The following ATP13A4 variants were observed in gnomAD, a reference collection of about 807,000 sequenced individuals.
The protein encoded by ATP13A4 is ATPase 13A4, also known as probable cation-transporting ATPase 13A4.
Under a neutral mutation model 142.5 loss-of-function variants are expected in ATP13A4, and 114 were observed. The ratio of observed to expected loss-of-function variants is 0.80; its 90% CI spans 0.69 to 0.93. The LOEUF is 0.93. ATP13A4 is among the 40% of genes least tolerant of loss of function. The pLI, the probability that ATP13A4 is intolerant of heterozygous loss-of-function variation, is 0.00. For synonymous variants in ATP13A4, 488 were observed against 514.8 expected (o/e 0.95, Z 0.70); for missense variants, 1,392 against 1,454.0 (o/e 0.96, Z 0.69).
At chr3:193,500,510 G>A (rs921128622) in intron 3 of ATP13A4, among the ~76,000 whole-genome samples, 4 of 152,036 alleles carry the variant, frequency 2.6e-5, no homozygotes, top group Non-Finnish European at 4.4e-5. Context: ...TGATGGTTTC[G>A]GATCATCAGG....
intron 1 of ATP13A4, among the ~76,000 whole-genome samples, chr3:193,530,771 T>A (rs1722269286): frequency 6.6e-6 from 1 of 152,172 alleles, no homozygotes; most frequent in African/African-American, 2.4e-5. Context: ...TCATTGCTAA[T>A]GTCCAGGAAC....
chr3:193,417,699 A>ACAAAAAATAAT (rs1576939674), intron 25 of ATP13A4, among the ~76,000 whole-genome samples: 6 of 137,946 alleles, frequency 4.3e-5, no homozygotes, highest in East Asian at 2.8e-4. Flanking sequence ...GACAAAAAAG[A>ACAAAAAATAAT]AATTGGCCAG....
intron 1 of ATP13A4, among the ~76,000 whole-genome samples, chr3:193,516,930 T>C (rs941311832): frequency 2.0e-5 from 3 of 152,220 alleles, no homozygotes; most frequent in South Asian, 2.1e-4. Flanking sequence ...TTAATAGTAA[T>C]AATAGTGATT....
At chr3:193,546,501 A>T (rs556014166) in intron 1 of ATP13A4, among the ~76,000 whole-genome samples, 1 of 152,350 alleles carries the variant, frequency 6.6e-6, no homozygotes, top group African/African-American at 2.4e-5. Flanking sequence ...AGCCAGCAGC[A>T]GGACCTAGAC....
Position 193,510,191 on chromosome 3 carries a change from C to T in ATP13A4, c.234+4507G>A, listed in dbSNP as rs77283920. The stretch of plus-strand genomic sequence containing the variant: ...AGTGAACACAGATGCTGCCGCCTGA[C>T]GAGAATACTGGTACACTGGCAGACT... On this transcript the variant is annotated intron_variant, in intron 2 of 29. Transcript: ENST00000342695. Among the ~76,000 whole-genome samples the T allele has an allele frequency of 2.8e-3, 424 of 152,212 alleles. 1 individual carries two copies. The highest frequency in any genetic ancestry group is 9.1e-3 in the African/African-American group (379 of 41,522).
rs369458872 is a variant in ATP13A4 at position 193,467,458 on chromosome 3, C to T, written c.972G>A (p.Pro324=). 1.8e-4 allele frequency: 288 copies of T among 1,613,588 alleles called. No individual in the cohort carries two copies. The highest frequency in any genetic ancestry group is 6.8e-4 in the Middle Eastern group (4 of 5,840). The part of the protein sequence containing the change: ...TGESIPVTKT[P]LPKMDSSVPW... ...GCACAGAGCTATCCATCTTGGGTAACGGAGTTTTGGTGACTGGAATACTTT... is the reference window on the plus strand; with the variant it reads ...GCACAGAGCTATCCATCTTGGGTAATGGAGTTTTGGTGACTGGAATACTTT... The change falls in exon 10 of 30, where the codon CCG becomes CCA. Residue 324 remains proline (P), a synonymous_variant. Coordinates refer to ENST00000342695, the MANE Select transcript of ATP13A4 (RefSeq NM_032279.4).
intron 17 of ATP13A4, among the ~76,000 whole-genome samples, chr3:193,451,444 A>C (rs1481964355): frequency 6.6e-6 from 1 of 152,216 alleles, no homozygotes; most frequent in Admixed American, 6.5e-5. Context: ...TTGCTGTGTG[A>C]GCATGACTAA....
chr3:193,449,761 A>C (rs1008711978), intron 17 of ATP13A4, among the ~76,000 whole-genome samples: 20 of 152,140 alleles, frequency 1.3e-4, no homozygotes, highest in Admixed American at 1.2e-3. Flanking sequence ...ATGATCTGCT[A>C]TTGAAACCCT....
intron 8 of ATP13A4, among the ~76,000 whole-genome samples, chr3:193,474,761 AAGAG>A (rs146293166): frequency 6.6e-6 from 1 of 151,714 alleles, no homozygotes; most frequent in Non-Finnish European, 1.5e-5. Flanking sequence ...AAAAGAAAGA[AAGAG>A]AAAGAAAGAA....
At position 193,455,808 on chromosome 3, in the gene ATP13A4, T is replaced by C. The variant is rs141640361; in HGVS notation, c.1915+1192A>G. Among the ~76,000 whole-genome samples the C allele has an allele frequency of 4.8e-3, 734 of 152,266 alleles. 11 individuals are homozygous for C. The highest frequency in any genetic ancestry group is 0.017 in the African/African-American group (704 of 41,554). On this transcript the variant is annotated intron_variant, in intron 16 of 29. Transcript: ENST00000342695. ...ACCTAAATGCCCATCAATGGTAGACTGGATAAAGAAAATGTGGTACATATA... is the reference window on the plus strand; with the variant it reads ...ACCTAAATGCCCATCAATGGTAGACCGGATAAAGAAAATGTGGTACATATA...
chr3:193,582,747 AC>A (rs1724588642), intron 1 of ATP13A4, among the ~76,000 whole-genome samples: 1 of 60,378 alleles, frequency 1.7e-5, no homozygotes, highest in African/African-American at 9.0e-5. Flanking sequence ...TATGTATAAT[AC>A]ATATATAAAA....
intron 15 of ATP13A4, 79 bp from the exon 16 acceptor site, chr3:193,457,232 T>C (rs1717674136): frequency 1.9e-5 from 30 of 1,590,362 alleles, no homozygotes; most frequent in Non-Finnish European, 2.6e-5. Flanking sequence ...CCTTCCGTAA[T>C]ATTCATTTTA....
intron 17 of ATP13A4, among the ~76,000 whole-genome samples, chr3:193,451,461 CTCTT>C (rs1717271629): frequency 6.6e-6 from 1 of 152,186 alleles, no homozygotes; most frequent in Non-Finnish European, 1.5e-5. Context: ...CTAAATCACT[CTCTT>C]TGGCTGGTAA....
At position 193,502,474 on chromosome 3, in the gene ATP13A4, T is replaced by C. The variant is rs1224683169; in HGVS notation, c.381+19A>G. 3 of 1,611,770 alleles carry C rather than the reference T, an allele frequency of 1.9e-6. No homozygotes were observed. The highest frequency in any genetic ancestry group is 2.2e-5 in the East Asian group (1 of 44,854). ...GATTAAATCTCTCTGACATCAGCAG[T>C]AGCCATAAGTTTACTTACCTTTAGG... On this transcript the variant is annotated intron_variant, in intron 3 of 29. Transcript: ENST00000342695.
At chr3:193,590,387 A>G (rs542295409) in intron 1 of ATP13A4, among the ~76,000 whole-genome samples, 3 of 152,264 alleles carry the variant, frequency 2.0e-5, no homozygotes, top group Admixed American at 2.0e-4. Flanking sequence ...TACCGCAAAA[A>G]AGCAGTCTTA....
intron 9 of ATP13A4, among the ~76,000 whole-genome samples, chr3:193,470,496 C>T (rs1430336192): frequency 2.0e-5 from 3 of 152,152 alleles, no homozygotes; most frequent in Non-Finnish European, 4.4e-5. Context: ...TATTTAAAAA[C>T]ATGCTTTATT....
At chr3:193,573,295 A>ATTTT (rs1553862263) in intron 2 of ATP13A4, among the ~76,000 whole-genome samples, 1 of 83,962 alleles carries the variant, frequency 1.2e-5, no homozygotes, top group African/African-American at 5.4e-5. Flanking sequence ...ATATACACAT[A>ATTTT]TATATATATA....
intron 2 of ATP13A4, among the ~76,000 whole-genome samples, chr3:193,508,982 T>G (rs1720996665): frequency 8.0e-6 from 1 of 124,812 alleles, no homozygotes; most frequent in Admixed American, 9.2e-5. Context: ...TAATCTAGAC[T>G]GTCCAGGAAA....
chr3:193,554,869 C>CGAGCCA lies in ATP13A4; in HGVS notation c.-76_-71dup. The CGAGCCA allele has an allele frequency of 5.0e-6, 8 of 1,612,882 alleles. No homozygotes were observed. The South Asian group carries it at 8.8e-5, about 18-fold the overall frequency. ...GCTTCCAGGATGAACTCCAACTCGC[C>CGAGCCA]GAGCCACCGCAGCTCCTCAGCTGAC... is the stretch of plus-strand genomic sequence containing the variant. On this transcript the variant is annotated 5_prime_UTR_variant, in exon 1 of 30. Transcript: ENST00000342695.
Sources: gnomAD v4.1 joint callset for allele counts (sites outside exome capture counted in the v4.1 genomes callset) on GRCh38, gnomAD v4.1.1 for gene constraint, MANE v1.5 for transcripts, NCBI Gene and HGNC (gene_info 2026-07-23, HGNC 2026-07-21) for gene names.